Variants in MGAM observed in about 807,000 individuals in gnomAD.
The protein encoded by MGAM is alpha-1,4-glucosidase.
MGAM carries 253 observed loss-of-function variants against 358.8 expected under a neutral mutation model. That is an observed-to-expected ratio of 0.71 (90% CI 0.64 to 0.78). The LOEUF (loss-of-function observed/expected upper bound fraction) is 0.78. MGAM is among the 30% of genes least tolerant of loss of function. The pLI is 0.00. For missense variants in MGAM, 3,080 were observed against 3,432.6 expected, an observed-to-expected ratio of 0.90 and a Z score of 2.57; for synonymous variants, 1,105 against 1,227.1, an observed-to-expected ratio of 0.90 and a Z score of 2.08.
intron 18 of MGAM, among the ~76,000 whole-genome samples, chr7:142,037,762 A>G (rs1188904091): frequency 6.6e-6 from 1 of 152,148 alleles, no homozygotes; most frequent in Non-Finnish European, 1.5e-5. Context: ...TTAATTTTAA[A>G]TTTTTGTTGG....
intron 21 of MGAM, among the ~76,000 whole-genome samples, chr7:142,041,410 A>G (rs1342227631): frequency 6.6e-6 from 1 of 152,006 alleles, no homozygotes; most frequent in Non-Finnish European, 1.5e-5. Context: ...CAAGTTGTAG[A>G]CTTTTTATGA....
chr7:142,042,854 T>A (rs1319320395), intron 21 of MGAM, among the ~76,000 whole-genome samples: 1 of 54,116 alleles, frequency 1.8e-5, no homozygotes, highest in African/African-American at 5.8e-5. Flanking sequence ...ACATATAATA[T>A]CTAAATATAA....
At chr7:142,059,747 A>C (rs560691711) in intron 32 of MGAM, 109 bp from the exon 33 acceptor site, 22 of 1,566,816 alleles carry the variant, frequency 1.4e-5, no homozygotes, top group Non-Finnish European at 1.8e-5. Flanking sequence ...CAGAAACTCT[A>C]CTGTGCAGGT....
At chr7:142,054,345 C>T (rs1373821350) in intron 26 of MGAM, among the ~76,000 whole-genome samples, 1 of 152,180 alleles carries the variant, frequency 6.6e-6, no homozygotes, top group African/African-American at 2.4e-5. Flanking sequence ...GTTTAGATAC[C>T]ACTTTCAGCA....
At chr7:142,000,439 C>A (rs1172526061) in intron 1 of MGAM, among the ~76,000 whole-genome samples, 3 of 152,116 alleles carry the variant, frequency 2.0e-5, no homozygotes, top group African/African-American at 7.2e-5. Flanking sequence ...AGCTGTAATG[C>A]CTAGTCTTGG....
intron 24 of MGAM, among the ~76,000 whole-genome samples, chr7:142,051,369 G>A (rs1038948880): frequency 6.6e-6 from 1 of 152,046 alleles, no homozygotes; most frequent in Non-Finnish European, 1.5e-5. Context: ...GAGTGGGAGT[G>A]GGGGCTGGGG....
chr7:142,004,437 G>GA (rs1475742510), intron 1 of MGAM: 1 of 151,954 alleles, frequency 6.6e-6, no homozygotes, highest in Non-Finnish European at 1.5e-5. Flanking sequence ...AAATGACCCA[G>GA]AAACAGAAAG....
Position 142,021,693 on chromosome 7 carries a change from G to A in MGAM, c.666G>A (p.Gln222=). The A allele has an allele frequency of 6.2e-7, 1 of 1,613,928 alleles. No individual in the cohort carries two copies. Among genetic ancestry groups the A allele is most frequent in the South Asian group, 1.1e-5 (1 of 91,084 alleles). The change falls in exon 6 of 71, where the codon CAG becomes CAA. Residue 222 remains glutamine, a synonymous_variant. Coordinates refer to ENST00000475668, the MANE Select transcript of MGAM (RefSeq NM_001365693.1). ...SLTYQVEISR[Q]PFSIKVTRRS... Reference sequence around the variant, plus strand: ...CCTACCAAGTTGAAATCTCCAGACAGCCATTTAGCATCAAAGTGACCAGAA... The same window carrying A: ...CCTACCAAGTTGAAATCTCCAGACAACCATTTAGCATCAAAGTGACCAGAA...
In MGAM at chr7:142,019,252, T is replaced by G; in HGVS notation, c.381T>G (p.Val127=). The change falls in exon 4 of 71, where the codon GTT becomes GTG. Residue 127 remains valine, a synonymous_variant. Coordinates refer to ENST00000475668, the MANE Select transcript of MGAM (RefSeq NM_001365693.1). The part of the protein sequence containing the change: ...CCWNPQGAVS[V]PWCYYSKNHS... ...GGAATCCCCAGGGAGCTGTAAGTGT[T>G]CCCTGGTGCTACTATTCCAAGAATC... 1 of 1,613,732 alleles carries G rather than the reference T, an allele frequency of 6.2e-7. No homozygotes were observed. Among genetic ancestry groups the G allele is most frequent in the Non-Finnish European group, 8.5e-7 (1 of 1,179,706 alleles).
intron 12 of MGAM, among the ~76,000 whole-genome samples, 171 bp from the exon 13 acceptor site, chr7:142,031,509 C>T (rs1175033391): frequency 6.6e-6 from 1 of 151,994 alleles, no homozygotes; most frequent in African/African-American, 2.4e-5. Flanking sequence ...TTCGAGTGAC[C>T]CTGGCATTTA....
intron 8 of MGAM, among the ~76,000 whole-genome samples, chr7:142,026,789 A>G (rs782239569): frequency 1.3e-5 from 2 of 152,154 alleles, no homozygotes; most frequent in African/African-American, 2.4e-5. Context: ...TTTGGTCCAA[A>G]ATAATTTTTT....
chr7:142,076,082 T>C, intron 45 of MGAM, 121 bp from the exon 46 acceptor site: 1 of 775,170 alleles, frequency 1.3e-6, no homozygotes, highest in Non-Finnish European at 2.2e-6. Context: ...TATTCATCCA[T>C]AAGGTAAAGG....
chr7:142,035,848 G>A (rs1268350444), intron 16 of MGAM, among the ~76,000 whole-genome samples: 2 of 152,122 alleles, frequency 1.3e-5, no homozygotes, highest in African/African-American at 4.8e-5. Flanking sequence ...AATATCAGCA[G>A]TATTACTAGG....
chr7:142,079,060 A>G (rs2129051560), intron 49 of MGAM, 52 bp downstream of exon 49: 1 of 1,425,750 alleles, frequency 7.0e-7, no homozygotes, highest in East Asian at 2.4e-5. Context: ...CAGTTCCATT[A>G]TCTTTTTCTG....
At chr7:142,040,518 T>C (rs62477567) in intron 20 of MGAM, 118,512 of 636,788 alleles carry the variant, frequency 0.19, 11,849 homozygotes, top group Middle Eastern at 0.28. Flanking sequence ...AGCCTCAGCA[T>C]GGCATAAATT....
chr7:142,079,635 G>A (rs1417822206), intron 49 of MGAM, among the ~76,000 whole-genome samples: 3 of 145,994 alleles, frequency 2.1e-5, no homozygotes, highest in African/African-American at 4.9e-5. Flanking sequence ...TAGCTGTTAC[G>A]TCTGCTTCTC....
intron 4 of MGAM, among the ~76,000 whole-genome samples, chr7:142,019,703 A>G (rs782817792): frequency 6.6e-6 from 1 of 152,194 alleles, no homozygotes; most frequent in African/African-American, 2.4e-5. Flanking sequence ...TTTTATAAAC[A>G]TGTTATGAAA....
chr7:142,105,544 T>C (rs1563235186), intron 70 of MGAM, among the ~76,000 whole-genome samples: 1 of 152,182 alleles, frequency 6.6e-6, no homozygotes, highest in Non-Finnish European at 1.5e-5. Context: ...CACCTGGGCC[T>C]CCCGGAGTGT....
chr7:142,002,828 A>T (rs1256347015), intron 1 of MGAM, among the ~76,000 whole-genome samples: 3 of 152,072 alleles, frequency 2.0e-5, no homozygotes, highest in Non-Finnish European at 4.4e-5. Flanking sequence ...TATACCTAGG[A>T]AACTCTAAAC....
Sources: gnomAD v4.1 joint callset for allele counts (sites outside exome capture counted in the v4.1 genomes callset) on GRCh38, gnomAD v4.1.1 for gene constraint, MANE v1.5 for transcripts, NCBI Gene and HGNC (gene_info 2026-07-23, HGNC 2026-07-21) for gene names.